CCAR1: variants seen among roughly 807,000 people sequenced by gnomAD.
CCAR1 encodes cell division cycle and apoptosis regulator protein 1.
Under a neutral mutation model 163.8 loss-of-function variants are expected in CCAR1, and 78 were observed. The observed-to-expected ratio is 0.48, with a 90% CI of 0.40 to 0.57. The LOEUF (loss-of-function observed/expected upper bound fraction) is 0.57. CCAR1 is among the 20% of genes least tolerant of loss of function. The pLI is 0.00. For missense variants in CCAR1, 1,019 were observed against 1,365.2 expected (o/e 0.75, Z 4.00); for synonymous variants, 443 against 460.7 (o/e 0.96, Z 0.49).
At chr10:68,760,032 A>G (rs986213869) in intron 15 of CCAR1, among the ~76,000 whole-genome samples, 3 of 151,764 alleles carry the variant, frequency 2.0e-5, no homozygotes, top group East Asian at 1.9e-4. Context: ...GGGTTTTGCT[A>G]TGTTCCCCAT....
chr10:68,786,810 C>G, intron 21 of CCAR1, 118 bp downstream of exon 21: 1 of 824,360 alleles, frequency 1.2e-6, no homozygotes, highest in Non-Finnish European at 1.9e-6. Flanking sequence ...AAGGGCCAGG[C>G]GTGGTGGCTC....
At chr10:68,789,590 A>G in intron 23 of CCAR1, 120 bp from the exon 24 acceptor site, 1 of 628,556 alleles carries the variant, frequency 1.6e-6, no homozygotes, top group South Asian at 2.1e-5. Flanking sequence ...AAATTGACAG[A>G]CATTGCCATT....
chr10:68,721,716 G>T (rs956176991), intron 1 of CCAR1: 1 of 340,176 alleles, frequency 2.9e-6, no homozygotes, highest in Middle Eastern at 3.9e-4. Flanking sequence ...GTCGTGGGGC[G>T]GTGGGTTCCG....
chr10:68,752,933 TAGA>T (rs1564538872), intron 10 of CCAR1, among the ~76,000 whole-genome samples: 135 of 146,404 alleles, frequency 9.2e-4, no homozygotes, highest in South Asian at 7.8e-3. Flanking sequence ...GATAGATAGA[TAGA>T]TAGATTCTGT....
At chr10:68,771,519 C>T in intron 18 of CCAR1, 74 bp downstream of exon 18, 2 of 1,334,220 alleles carry the variant, frequency 1.5e-6, no homozygotes, top group South Asian at 2.7e-5. Flanking sequence ...TGATTTCCAT[C>T]AGAATATTAG....
chr10:68,741,009 G>A (rs2056176251), intron 5 of CCAR1, among the ~76,000 whole-genome samples: 1 of 151,784 alleles, frequency 6.6e-6, no homozygotes, highest in South Asian at 2.1e-4. Flanking sequence ...TGCCTCCTGG[G>A]TTCAAGCGAT....
intron 2 of CCAR1, 71 bp downstream of exon 2, chr10:68,722,648 G>T: frequency 1.6e-6 from 2 of 1,216,390 alleles, no homozygotes; most frequent in East Asian, 2.3e-5. Context: ...ATTAGGGCCG[G>T]GGGTGGTGGC....
intron 12 of CCAR1, 133 bp from the exon 13 acceptor site, chr10:68,755,237 T>A (rs41278526): frequency 2.1e-4 from 175 of 840,292 alleles, no homozygotes; most frequent in Non-Finnish European, 3.3e-4. Flanking sequence ...TGAACTGAAC[T>A]CTTCCTTGAC....
intron 15 of CCAR1, 113 bp from the exon 16 acceptor site, chr10:68,760,893 AC>A (rs2056461716): frequency 2.4e-5 from 9 of 373,592 alleles, no homozygotes; most frequent in East Asian, 1.0e-4. Flanking sequence ...AAAAAAAAAA[AC>A]ACACAAAATA....
intron 19 of CCAR1, among the ~76,000 whole-genome samples, chr10:68,784,042 G>A (rs970337149): frequency 6.6e-6 from 1 of 152,100 alleles, no homozygotes; most frequent in African/African-American, 2.4e-5. Context: ...ACAGGCGTGA[G>A]CCACTGCGCC....
chr10:68,738,505 G>A (rs567289153), intron 4 of CCAR1, among the ~76,000 whole-genome samples: 7 of 152,302 alleles, frequency 4.6e-5, no homozygotes, highest in South Asian at 4.1e-4. Context: ...TGTCTGGAAC[G>A]TTTGGGCCAG....
chr10:68,763,385 G>A (rs1032306611), intron 16 of CCAR1, among the ~76,000 whole-genome samples: 3 of 151,588 alleles, frequency 2.0e-5, no homozygotes, highest in South Asian at 4.2e-4. Flanking sequence ...TCTTGACCTC[G>A]TGATCCACCC....
chr10:68,783,028 G>A (rs372089813), intron 19 of CCAR1, among the ~76,000 whole-genome samples: 11 of 147,734 alleles, frequency 7.4e-5, no homozygotes, highest in Admixed American at 6.8e-4. Context: ...TTTGAGACAG[G>A]GTTTCACTCT....
At position 68,749,268 on chromosome 10, in the gene CCAR1, A is replaced by G. The variant is rs2056300408; in HGVS notation, c.956+3A>G. ...CCTAACAGAAAAGATGATCGAAGGT[A>G]TATTTTCTAAAGTGTACTGTGGATG... is the stretch of plus-strand genomic sequence containing the variant. On this transcript the variant is annotated splice_donor_region_variant and intron_variant, in intron 9 of 24. Coordinates refer to ENST00000265872, the MANE Select transcript of CCAR1 (RefSeq NM_018237.4). 1 of 1,606,358 alleles carries G rather than the reference A, an allele frequency of 6.2e-7. No homozygotes were observed. The highest frequency in any genetic ancestry group is 8.5e-7 in the Non-Finnish European group (1 of 1,177,636).
intron 19 of CCAR1, among the ~76,000 whole-genome samples, chr10:68,784,473 A>G (rs544334670): frequency 2.0e-4 from 31 of 152,282 alleles, no homozygotes; most frequent in Non-Finnish European, 4.0e-4. Context: ...TCGGGCTGCC[A>G]AAGTGCTAGG....
intron 16 of CCAR1, among the ~76,000 whole-genome samples, chr10:68,763,915 G>C (rs937423081): frequency 1.3e-5 from 2 of 152,106 alleles, no homozygotes; most frequent in African/African-American, 4.8e-5. Context: ...CCTAGTTCAG[G>C]AATCAGTCAT....
At chr10:68,725,757 ATCT>A (rs1457396387) in intron 2 of CCAR1, among the ~76,000 whole-genome samples, 1 of 152,150 alleles carries the variant, frequency 6.6e-6, no homozygotes, top group African/African-American at 2.4e-5. Flanking sequence ...AGACACTGTG[ATCT>A]TCTAACTTCA....
Position 68,753,977 on chromosome 10 carries a change from A to G in CCAR1, c.1244A>G (p.Asn415Ser). Residue 415 changes from asparagine to serine, a missense_variant, in exon 11 of 25, where the codon AAT becomes AGT. Coordinates refer to ENST00000265872, the MANE Select transcript of CCAR1 (RefSeq NM_018237.4). ...TTGTCAAGACCATTTCAGCTGGGAA[A>G]TTACTGCAATTTTTATGTAATGCAC... ...FPLSRPFQLG[N>S]YCNFYVMHRE... is the part of the protein sequence containing the mutation. 6.2e-7 allele frequency: 1 copy of G among 1,614,008 alleles called. No homozygotes were observed. The highest frequency in any genetic ancestry group is 8.5e-7 in the Non-Finnish European group (1 of 1,179,926).
intron 18 of CCAR1, among the ~76,000 whole-genome samples, chr10:68,772,308 C>T (rs568957624): frequency 1.4e-4 from 21 of 152,046 alleles, no homozygotes; most frequent in African/African-American, 4.6e-4. Context: ...CATGGTGAAA[C>T]CCCCTCTCTA....
Sources: allele counts gnomAD v4.1 joint callset (sites outside exome capture counted in the v4.1 genomes callset), GRCh38; gene constraint gnomAD v4.1.1; transcripts MANE v1.5; gene names NCBI Gene and HGNC (gene_info 2026-07-23, HGNC 2026-07-21).